KDM1B: variants seen among roughly 807,000 people sequenced by gnomAD.
KDM1B encodes lysine-specific histone demethylase 2.
KDM1B carries 63 observed loss-of-function variants against 107.4 expected under a neutral mutation model. The ratio of observed to expected loss-of-function variants is 0.59; its 90% confidence interval spans 0.48 to 0.72. KDM1B has a LOEUF of 0.72. Ranked by LOEUF, KDM1B falls within the 30% of genes least tolerant of loss-of-function variation. The pLI is 0.00. For missense variants in KDM1B, 749 were observed against 1,020.8 expected, an observed-to-expected ratio of 0.73 and a Z score of 3.63; for synonymous variants, 363 against 363.9, an observed-to-expected ratio of 1.00 and a Z score of 0.03.
intron 5 of KDM1B, among the ~76,000 whole-genome samples, chr6:18,165,170 GT>G (rs1407235220): frequency 1.1e-5 from 1 of 88,974 alleles, no homozygotes; most frequent in Non-Finnish European, 2.0e-5. Context: ...ATCTTACTCT[GT>G]CCCCCAGGCT....
chr6:18,176,063 C>T, intron 7 of KDM1B, among the ~76,000 whole-genome samples: 1 of 152,144 alleles, frequency 6.6e-6, no homozygotes, highest in East Asian at 1.9e-4. Context: ...GCAATATGGT[C>T]ATTTTCACAA....
chr6:18,168,711 C>T (rs970593005), intron 6 of KDM1B, among the ~76,000 whole-genome samples: 4 of 152,174 alleles, frequency 2.6e-5, no homozygotes, highest in Non-Finnish European at 5.9e-5. Context: ...TCATTCCTGT[C>T]TGTAGCATAT....
intron 6 of KDM1B, among the ~76,000 whole-genome samples, chr6:18,170,671 G>A (rs563740215): frequency 2.7e-4 from 41 of 151,968 alleles, no homozygotes; most frequent in African/African-American, 9.7e-4. Context: ...GTAGAGACAG[G>A]ATGTCACTAT....
At chr6:18,156,657 T>A (rs571871481) in intron 2 of KDM1B, among the ~76,000 whole-genome samples, 5 of 152,182 alleles carry the variant, frequency 3.3e-5, no homozygotes, top group Non-Finnish European at 7.4e-5. Context: ...AATTCAATAT[T>A]GAATTATTCA....
Position 18,213,589 on chromosome 6 carries a change from G to T in KDM1B, c.1984-67G>T, listed in dbSNP as rs1480431546. ...TTTTAGAGTAGAGCTACAGGTTGCTGCTTAGATATTGCCTGTGGTTTTGTG... is the reference window on the plus strand; with the variant it reads ...TTTTAGAGTAGAGCTACAGGTTGCTTCTTAGATATTGCCTGTGGTTTTGTG... On this transcript the variant is annotated intron_variant, in intron 18 of 21. Coordinates refer to ENST00000650836, the MANE Select transcript of KDM1B (RefSeq NM_001364614.2). This position sits in a 1 kb window ranked among gnomAD's most constrained non-coding sequence, Gnocchi z 5.9. 6.4e-7 allele frequency: 1 copy of T among 1,567,708 alleles called. No individual in the cohort carries two copies. The highest frequency in any genetic ancestry group is 1.1e-5 in the South Asian group (1 of 89,628).
intron 15 of KDM1B, among the ~76,000 whole-genome samples, chr6:18,206,825 A>T (rs1205663966): frequency 6.6e-6 from 1 of 152,100 alleles, no homozygotes; most frequent in Non-Finnish European, 1.5e-5. Flanking sequence ...GCCAAAATAG[A>T]GTATCCTTGC....
intron 7 of KDM1B, among the ~76,000 whole-genome samples, chr6:18,177,233 GT>G (rs1786080681): frequency 6.6e-6 from 1 of 152,156 alleles, no homozygotes; most frequent in African/African-American, 2.4e-5. Context: ...TGTCTTCTAG[GT>G]TTTCTAGATT....
chr6:18,199,974 G>A (rs1224177281), intron 12 of KDM1B, among the ~76,000 whole-genome samples: 1 of 152,160 alleles, frequency 6.6e-6, no homozygotes, highest in Non-Finnish European at 1.5e-5. Flanking sequence ...CACCTCCAGG[G>A]TTCAGGTGAT....
At chr6:18,164,904 C>T (rs574040679) in intron 5 of KDM1B, among the ~76,000 whole-genome samples, 218 of 152,294 alleles carry the variant, frequency 1.4e-3, no homozygotes, top group Non-Finnish European at 9.4e-4. Context: ...CCTTGTCCTC[C>T]CAAAGTGCTG....
Position 18,174,409 on chromosome 6 carries a change from A to G in KDM1B, c.534+2930A>G, listed in dbSNP as rs564934441. ...CATCTTTACATTTTTCAGTCCTCTA[A>G]GGGGTTGGTAAATGATGGCTCATGG... On this transcript the variant is annotated intron_variant, in intron 7 of 21. Transcript: ENST00000650836. Among the ~76,000 whole-genome samples the G allele has an allele frequency of 1.0e-3, 154 of 152,152 alleles. 2 individuals are homozygous for G. Among genetic ancestry groups the G allele is most frequent in the South Asian group, 1.0e-2 (48 of 4,814 alleles).
intron 17 of KDM1B, among the ~76,000 whole-genome samples, chr6:18,208,627 A>ATATATATATATATAT (rs1561949786): frequency 3.9e-5 from 1 of 25,736 alleles, no homozygotes; most frequent in Non-Finnish European, 6.8e-5. Flanking sequence ...ATATATATAT[A>ATATATATATATATAT]TTTTTTTTTT....
At chr6:18,210,345 T>TTTTTG in intron 17 of KDM1B, among the ~76,000 whole-genome samples, 1 of 37,724 alleles carries the variant, frequency 2.7e-5, no homozygotes, top group Non-Finnish European at 4.8e-5. Flanking sequence ...TTCTTTTCTT[T>TTTTTG]TTTTTTTTTT....
Position 18,191,081 on chromosome 6 carries a change from G to A in KDM1B, c.785-116G>A. On this transcript the variant is annotated intron_variant, in intron 9 of 21. Coordinates refer to ENST00000650836, the MANE Select transcript of KDM1B (RefSeq NM_001364614.2). This position sits in a 1 kb window ranked among gnomAD's most constrained non-coding sequence, Gnocchi z 5.1. ...GGGTGGAGGAAGCAAAGGTATTTAT[G>A]TAGGGTAGAGAGTGGAGCTTGTCTA... is the stretch of plus-strand genomic sequence containing the variant. 1.4e-6 allele frequency: 1 copy of A among 735,038 alleles called. No individual in the cohort carries two copies. 45.5% of individuals were successfully genotyped at this position (735,038 alleles called of 1,614,324 possible).
At chr6:18,167,705 C>T (rs992306487) in intron 6 of KDM1B, among the ~76,000 whole-genome samples, 9 of 151,654 alleles carry the variant, frequency 5.9e-5, no homozygotes, top group African/African-American at 1.9e-4. Context: ...AATTCCTAGG[C>T]TCAAGTGATC....
intron 21 of KDM1B, 79 bp downstream of exon 21, chr6:18,217,964 TAAAAACC>T (rs960084320): frequency 4.4e-5 from 63 of 1,446,776 alleles, no homozygotes; most frequent in Non-Finnish European, 5.7e-5. Context: ...GCCCAGAGTT[TAAAAACC>T]AATTCAAATA....
chr6:18,164,741 G>A (rs745851614), intron 5 of KDM1B, among the ~76,000 whole-genome samples: 5 of 152,034 alleles, frequency 3.3e-5, no homozygotes, highest in Non-Finnish European at 5.9e-5. Flanking sequence ...CGCCTCCTGG[G>A]TTCAAGTGAT....
intron 5 of KDM1B, among the ~76,000 whole-genome samples, chr6:18,165,317 A>G (rs1011599188): frequency 1.3e-5 from 2 of 151,212 alleles, no homozygotes; most frequent in Admixed American, 6.6e-5. Flanking sequence ...TTTTTAGTAG[A>G]GACGGGGTTT....
intron 7 of KDM1B, among the ~76,000 whole-genome samples, chr6:18,185,061 C>T (rs1212744961): frequency 1.3e-5 from 2 of 151,938 alleles, no homozygotes; most frequent in African/African-American, 2.4e-5. Context: ...ACAAATAATG[C>T]TCCTTTGAAC....
At chr6:18,206,325 G>T (rs1170027191) in intron 15 of KDM1B, among the ~76,000 whole-genome samples, 1 of 151,730 alleles carries the variant, frequency 6.6e-6, no homozygotes, top group African/African-American at 2.4e-5. Context: ...AGACCATCCT[G>T]GGCAACATGG....
Sources: allele counts gnomAD v4.1 joint callset (sites outside exome capture counted in the v4.1 genomes callset), GRCh38; gene constraint gnomAD v4.1.1; non-coding constraint Gnocchi (gnomAD v3.1); transcripts MANE v1.5; gene names NCBI Gene and HGNC (gene_info 2026-07-23, HGNC 2026-07-21).